The following PRKCE variants were observed in gnomAD, a reference collection of about 807,000 sequenced individuals.
The protein encoded by PRKCE is protein kinase C epsilon type.
PRKCE carries 16 observed loss-of-function variants against 85.4 expected under a neutral mutation model. That is an observed-to-expected ratio of 0.19 (90% confidence interval 0.13 to 0.28). PRKCE has a LOEUF of 0.28. Among genes scored for constraint, PRKCE ranks in the 10% least tolerant of loss-of-function variants. The pLI is 1.00. For synonymous variants in PRKCE, 388 were observed against 371.5 expected, an observed-to-expected ratio of 1.04 and a Z score of -0.51; for missense variants, 573 against 975.2, an observed-to-expected ratio of 0.59 and a Z score of 5.49.
chr2:46,005,831 A>G (rs1705143893), intron 8 of PRKCE, among the ~76,000 whole-genome samples: 1 of 152,192 alleles, frequency 6.6e-6, no homozygotes, highest in African/African-American at 2.4e-5. Context: ...AAGCATTCAT[A>G]AGTAGCCTGA....
chr2:45,784,941 T>C (rs1175656515), intron 1 of PRKCE, among the ~76,000 whole-genome samples: 3 of 152,204 alleles, frequency 2.0e-5, no homozygotes, highest in Non-Finnish European at 4.4e-5. Context: ...GTACTATACC[T>C]CAAAAATATA....
rs1680479180 is a variant in PRKCE, at chr2:46,186,773, A to G, written c.*1892A>G. ...GGACAGTAACTATCTTGAGCCCATT[A>G]GAGAGTCTGTGTCCATATTTGCATC... On this transcript the variant is annotated 3_prime_UTR_variant, in exon 15 of 15. Transcript: ENST00000306156. 1 of 152,566 alleles carries G rather than the reference A, an allele frequency of 6.6e-6. No individual in the cohort carries two copies. The highest frequency in any genetic ancestry group is 1.5e-5 in the Non-Finnish European group (1 of 68,028). 9.5% of individuals were successfully genotyped at this position (152,566 alleles called of 1,614,324 possible).
chr2:45,875,392 C>T (rs1694398647), intron 2 of PRKCE, among the ~76,000 whole-genome samples: 1 of 152,250 alleles, frequency 6.6e-6, no homozygotes, highest in African/African-American at 2.4e-5. Context: ...ACTGAAGACT[C>T]TTCAAGTTGG....
intron 1 of PRKCE, among the ~76,000 whole-genome samples, chr2:45,703,711 C>T (rs1185064525): frequency 6.6e-6 from 1 of 152,046 alleles, no homozygotes; most frequent in African/African-American, 2.4e-5. Context: ...TAGACATCAT[C>T]ATTTGTTCTT....
intron 1 of PRKCE, among the ~76,000 whole-genome samples, chr2:45,814,770 A>G (rs1300811812): frequency 6.6e-6 from 1 of 152,194 alleles, no homozygotes; most frequent in African/African-American, 2.4e-5. Flanking sequence ...AGCTCTGGAC[A>G]GTGTCTTGTA....
At chr2:45,689,406 C>G (rs1428945695) in intron 1 of PRKCE, among the ~76,000 whole-genome samples, 3 of 152,072 alleles carry the variant, frequency 2.0e-5, no homozygotes, top group African/African-American at 7.2e-5. Flanking sequence ...ACCCCCAATC[C>G]CATTCTCTAT....
At chr2:45,734,474 C>T (rs758998220) in intron 1 of PRKCE, among the ~76,000 whole-genome samples, 10 of 151,934 alleles carry the variant, frequency 6.6e-5, no homozygotes, top group Non-Finnish European at 1.3e-4. Context: ...TCCATGTAAA[C>T]GGGGGGGTTG....
intron 2 of PRKCE, among the ~76,000 whole-genome samples, chr2:45,942,812 T>C (rs1699979416): frequency 6.6e-6 from 1 of 152,236 alleles, no homozygotes; most frequent in Non-Finnish European, 1.5e-5. Context: ...TGTAACTAAA[T>C]GAGTATATAT....
At position 46,007,597 on chromosome 2, in the gene PRKCE, C is replaced by T; in HGVS notation, c.1199C>T (p.Ala400Val). Reference protein sequence around the residue: ...GENGEVRQGQAKRLGLDEFNF... With the variant: ...GENGEVRQGQVKRLGLDEFNF... ...AATGGCGAAGTCCGGCAAGGCCAGG[C>T]CAAGCGCCTGGGCCTGGATGAGTTC... is the stretch of plus-strand genomic sequence containing the variant. Residue 400 changes from alanine (A) to valine (V), a missense_variant, in exon 9 of 15, where the codon GCC (alanine) becomes GTC (valine). Physicochemically the swap from Ala to Val is moderately conservative, Grantham distance 64 (BLOSUM62 0). Around this residue, in one of 11 missense-constraint regions of PRKCE, gnomAD observed 117 missense variants for 104.8 expected, o/e 1.12. Coordinates refer to ENST00000306156, the MANE Select transcript of PRKCE (RefSeq NM_005400.3). 6.3e-7 allele frequency: 1 copy of T among 1,599,782 alleles called. No individual in the cohort carries two copies. Among genetic ancestry groups the T allele is most frequent in the South Asian group, 1.1e-5 (1 of 91,086 alleles).
chr2:45,692,053 G>A (rs1677771090), intron 1 of PRKCE, among the ~76,000 whole-genome samples: 1 of 152,142 alleles, frequency 6.6e-6, no homozygotes, highest in African/African-American at 2.4e-5. Context: ...CTTCACTCAT[G>A]GAAAAAGTTT....
chr2:46,074,443 A>AG (rs1553338779), intron 10 of PRKCE, among the ~76,000 whole-genome samples: 35 of 151,176 alleles, frequency 2.3e-4, no homozygotes, highest in South Asian at 4.2e-4. Context: ...AAAAAAAAAA[A>AG]AAAAAGAAAA....
At chr2:45,876,878 C>CT (rs1558783206) in intron 2 of PRKCE, among the ~76,000 whole-genome samples, 1 of 152,102 alleles carries the variant, frequency 6.6e-6, no homozygotes, top group African/African-American at 2.4e-5. Flanking sequence ...CCTAATCTGG[C>CT]TTTTTTTCTT....
intron 2 of PRKCE, among the ~76,000 whole-genome samples, chr2:45,926,593 C>A (rs1320335535): frequency 2.0e-5 from 3 of 152,216 alleles, no homozygotes; most frequent in Non-Finnish European, 4.4e-5. Context: ...AGTATTCTCT[C>A]CAGTTGAAAG....
chr2:45,848,905 G>C (rs1384372210), intron 2 of PRKCE, among the ~76,000 whole-genome samples: 1 of 152,170 alleles, frequency 6.6e-6, no homozygotes, highest in African/African-American at 2.4e-5. Flanking sequence ...GGCTTGGGTT[G>C]GAAAGGAAAG....
At chr2:45,657,995 G>A (rs889416968) in intron 1 of PRKCE, among the ~76,000 whole-genome samples, 2 of 152,264 alleles carry the variant, frequency 1.3e-5, no homozygotes, top group East Asian at 3.9e-4. Context: ...TTTGATATAT[G>A]TTACTCTAGA....
chr2:45,982,198 A>T (rs1314817264), intron 5 of PRKCE, among the ~76,000 whole-genome samples: 1 of 150,564 alleles, frequency 6.6e-6, no homozygotes, highest in Non-Finnish European at 1.5e-5. Flanking sequence ...GTGTCAGTGT[A>T]TCTGCCCCTC....
At chr2:45,726,807 T>C (rs1390360522) in intron 1 of PRKCE, among the ~76,000 whole-genome samples, 1 of 152,152 alleles carries the variant, frequency 6.6e-6, no homozygotes, top group East Asian at 1.9e-4. Flanking sequence ...CCTCCTGTTT[T>C]CCTAGGTGAC....
At chr2:45,769,431 G>A (rs1386980551) in intron 1 of PRKCE, among the ~76,000 whole-genome samples, 2 of 152,258 alleles carry the variant, frequency 1.3e-5, no homozygotes, top group East Asian at 3.9e-4. Flanking sequence ...CTGTGTGTGT[G>A]TGGCTTTTTG....
intron 2 of PRKCE, among the ~76,000 whole-genome samples, chr2:45,848,538 T>G (rs6706095): frequency 0.77 from 117,593 of 152,082 alleles, 45,602 homozygotes; most frequent in Admixed American, 0.82. Context: ...CTCGAACTCC[T>G]GACTTCATGT....
Sources: allele counts gnomAD v4.1 joint callset (sites outside exome capture counted in the v4.1 genomes callset), GRCh38; gene constraint gnomAD v4.1.1; regional missense constraint gnomAD v4.1.1; transcripts MANE v1.5; gene names NCBI Gene and HGNC (gene_info 2026-07-23, HGNC 2026-07-21).